Variants in GOLIM4 observed in about 807,000 individuals in gnomAD.
The protein encoded by GOLIM4 is golgi integral membrane protein 4.
A neutral mutation model predicts 107.4 loss-of-function variants in GOLIM4; 71 were observed. That is an observed-to-expected ratio of 0.66 (90% CI 0.55 to 0.81). The LOEUF (loss-of-function observed/expected upper bound fraction) is 0.81. GOLIM4 is among the 30% of genes least tolerant of loss of function. GOLIM4 has a pLI of 0.00. For synonymous variants in GOLIM4, 327 were observed against 294.8 expected, an observed-to-expected ratio of 1.11 and a Z score of -1.12; for missense variants, 830 against 826.1, an observed-to-expected ratio of 1.00 and a Z score of -0.06.
At chr3:168,012,049 A>T (rs184869726) in intron 14 of GOLIM4, among the ~76,000 whole-genome samples, 1 of 112,436 alleles carries the variant, frequency 8.9e-6, no homozygotes. Context: ...GGAGAATGAC[A>T]TTGACGAGCT....
chr3:168,037,062 A>T, intron 7 of GOLIM4, 68 bp from the exon 8 acceptor site: 2 of 715,060 alleles, frequency 2.8e-6, no homozygotes, highest in African/African-American at 2.0e-5. Context: ...GCATTTGGGT[A>T]CACTGTAAAA....
chr3:168,027,307 C>G (rs1351811911), intron 12 of GOLIM4, among the ~76,000 whole-genome samples: 1 of 152,196 alleles, frequency 6.6e-6, no homozygotes, highest in Non-Finnish European at 1.5e-5. Context: ...ATACCTAACA[C>G]TCTAGCAGAC....
intron 1 of GOLIM4, among the ~76,000 whole-genome samples, chr3:168,085,753 T>C (rs1721585552): frequency 6.6e-6 from 1 of 152,180 alleles, no homozygotes; most frequent in Non-Finnish European, 1.5e-5. Flanking sequence ...TGAGACCTAC[T>C]ACAGGAGCAC....
intron 1 of GOLIM4, among the ~76,000 whole-genome samples, chr3:168,066,070 T>C (rs952923804): frequency 1.3e-5 from 2 of 152,198 alleles, no homozygotes; most frequent in East Asian, 3.9e-4. Flanking sequence ...CTGACCTGAC[T>C]AGACAGAAGG....
At chr3:168,081,084 G>A (rs1226652846) in intron 1 of GOLIM4, among the ~76,000 whole-genome samples, 1 of 152,186 alleles carries the variant, frequency 6.6e-6, no homozygotes, top group Non-Finnish European at 1.5e-5. Flanking sequence ...ATGTTAGCAG[G>A]ATTCCAGCAT....
intron 14 of GOLIM4, among the ~76,000 whole-genome samples, chr3:168,018,117 G>T (rs1717477982): frequency 6.6e-6 from 1 of 152,142 alleles, no homozygotes; most frequent in Non-Finnish European, 1.5e-5. Flanking sequence ...GTATAATGCA[G>T]TCTCCTAATA....
At chr3:168,014,309 C>T (rs1250635845) in intron 14 of GOLIM4, among the ~76,000 whole-genome samples, 3 of 149,104 alleles carry the variant, frequency 2.0e-5, no homozygotes, top group African/African-American at 2.6e-5. Flanking sequence ...ATAAATTCCT[C>T]GACACATACA....
At chr3:168,066,393 T>C (rs1446877120) in intron 1 of GOLIM4, among the ~76,000 whole-genome samples, 1 of 152,168 alleles carries the variant, frequency 6.6e-6, no homozygotes, top group Admixed American at 6.5e-5. Context: ...AGAATAAAAC[T>C]ATAACTATCC....
Position 168,095,126 on chromosome 3 carries a change from G to A in GOLIM4, c.160C>T (p.Gln54Ter), listed in dbSNP as rs376928091. 1 of 1,606,846 alleles carries A rather than the reference G, an allele frequency of 6.2e-7. No individual in the cohort carries two copies. The highest frequency in any genetic ancestry group is 8.5e-7 in the Non-Finnish European group (1 of 1,174,724). ...TGTAACTGGGCGGAGAGGGACTCCT[G>A]GTGCTGCTGGTACTTGAGCGCCACC... ...EAVALKYQQH[Q>*]ESLSAQLQVV... The change falls in exon 1 of 16, where the codon CAG becomes TAG. Residue 54 changes from glutamine (Q) to a stop codon, truncating the protein, a stop_gained. Transcript: ENST00000470487. LOFTEE classifies it high-confidence loss of function.
At chr3:168,050,822 TATAATAATAATAATAATAATAATA>T (rs140084468) in intron 1 of GOLIM4, among the ~76,000 whole-genome samples, 5 of 136,320 alleles carry the variant, frequency 3.7e-5, no homozygotes, top group Admixed American at 1.5e-4. Flanking sequence ...TAGCAACACC[TATAATAATAATAATAATAATAATA>T]ATAATAATAA....
intron 8 of GOLIM4, among the ~76,000 whole-genome samples, chr3:168,034,799 G>A (rs988516802): frequency 2.6e-5 from 4 of 152,124 alleles, no homozygotes; most frequent in Non-Finnish European, 5.9e-5. Flanking sequence ...CACAAGATCT[G>A]ATCGTTTTAA....
intron 9 of GOLIM4, among the ~76,000 whole-genome samples, chr3:168,031,352 G>C (rs1718327768): frequency 6.6e-6 from 1 of 152,198 alleles, no homozygotes; most frequent in Admixed American, 6.5e-5. Context: ...ATAAAAAAGA[G>C]ATAAATGTTT....
At chr3:168,025,975 A>G (rs1717974939) in intron 12 of GOLIM4, among the ~76,000 whole-genome samples, 1 of 152,198 alleles carries the variant, frequency 6.6e-6, no homozygotes, top group African/African-American at 2.4e-5. Flanking sequence ...AATCACTCGC[A>G]GGTCATCAAT....
At chr3:168,060,482 G>A (rs1720203490) in intron 1 of GOLIM4, among the ~76,000 whole-genome samples, 2 of 152,162 alleles carry the variant, frequency 1.3e-5, no homozygotes, top group South Asian at 4.1e-4. Flanking sequence ...GTTTTGTGAG[G>A]AAGATCAGAA....
intron 4 of GOLIM4, 48 bp from the exon 5 acceptor site, chr3:168,043,577 T>A: frequency 6.7e-7 from 1 of 1,485,104 alleles, no homozygotes. Context: ...CTGAATTATA[T>A]GAGAGTCTAT....
intron 10 of GOLIM4, 62 bp downstream of exon 10, chr3:168,029,718 T>A: frequency 6.3e-7 from 1 of 1,576,382 alleles, no homozygotes; most frequent in South Asian, 1.2e-5. Context: ...AAACTGTTTT[T>A]AATTTGCGTA....
chr3:168,087,592 TTC>T (rs1721691577), intron 1 of GOLIM4, among the ~76,000 whole-genome samples: 1 of 152,212 alleles, frequency 6.6e-6, no homozygotes, highest in Admixed American at 6.5e-5. Flanking sequence ...CACCCGTTAT[TTC>T]TGATTCTAAA....
intron 1 of GOLIM4, among the ~76,000 whole-genome samples, chr3:168,082,207 C>G (rs1392425965): frequency 1.3e-5 from 2 of 152,082 alleles, no homozygotes; most frequent in Non-Finnish European, 2.9e-5. Flanking sequence ...TGAACCACCC[C>G]CGCCAAGGAT....
intron 12 of GOLIM4, among the ~76,000 whole-genome samples, chr3:168,025,617 A>C (rs1446628984): frequency 6.6e-6 from 1 of 152,218 alleles, no homozygotes; most frequent in Non-Finnish European, 1.5e-5. Flanking sequence ...GGAGACAAGA[A>C]AAAGGCTAAT....
Sources: allele counts gnomAD v4.1 joint callset (sites outside exome capture counted in the v4.1 genomes callset), GRCh38; gene constraint gnomAD v4.1.1; transcripts MANE v1.5; gene names NCBI Gene and HGNC (gene_info 2026-07-23, HGNC 2026-07-21).